ASCC2: variants seen among roughly 807,000 people sequenced by gnomAD.
ASCC2 encodes the protein ASC-1 complex subunit P100.
Under a neutral mutation model 93.5 loss-of-function variants are expected in ASCC2, and 42 were observed. The ratio of observed to expected loss-of-function variants is 0.45; its 90% CI spans 0.35 to 0.58. The LOEUF is 0.58. Among genes scored for constraint, ASCC2 ranks in the 20% least tolerant of loss-of-function variants. The probability of loss-of-function intolerance (pLI) is 0.00; values close to 1 mark genes in which losing one functional copy is unlikely to be tolerated. For synonymous variants in ASCC2, 364 were observed against 384.2 expected (o/e 0.95, Z 0.62); for missense variants, 859 against 977.6 (o/e 0.88, Z 1.62).
intron 1 of ASCC2, chr22:29,832,587 C>CTTTT (rs375947944): frequency 7.0e-5 from 14 of 200,260 alleles, no homozygotes; most frequent in South Asian, 1.9e-4. Flanking sequence ...TTTCCACCCA[C>CTTTT]TTTTTTTTTT....
intron 15 of ASCC2, among the ~76,000 whole-genome samples, chr22:29,796,349 G>A (rs1601831843): frequency 1.3e-5 from 2 of 152,056 alleles, no homozygotes; most frequent in African/African-American, 4.8e-5. Flanking sequence ...GCTGAGTTGG[G>A]GAGAGATTCA....
chr22:29,801,696 G>A (rs1264616843), intron 14 of ASCC2, among the ~76,000 whole-genome samples: 1 of 152,142 alleles, frequency 6.6e-6, no homozygotes, highest in Non-Finnish European at 1.5e-5. Context: ...GAATGTAGGG[G>A]ATCAGAAGGG....
rs772317204 is a variant in ASCC2 at position 29,814,710 on chromosome 22, G to C, written c.667C>G (p.Pro223Ala). Residue 223 changes from proline to alanine, a missense_variant, in exon 7 of 20, where the codon CCC becomes GCC. Coordinates refer to ENST00000307790, the MANE Select transcript of ASCC2 (RefSeq NM_032204.5). ...GLQGDGANTT[P>A]QKLEERGRLT... ...CGGCCCCTCTCCTCAAGCTTCTGGGGTGTGGTATTGGCCCCGTCCCCTTGC... is the reference window on the plus strand; with the variant it reads ...CGGCCCCTCTCCTCAAGCTTCTGGGCTGTGGTATTGGCCCCGTCCCCTTGC... 9 of 1,608,158 alleles carry C rather than the reference G, an allele frequency of 5.6e-6. No homozygotes were observed. Among genetic ancestry groups the C allele is most frequent in the Middle Eastern group, 1.6e-4 (1 of 6,070 alleles).
intron 12 of ASCC2, among the ~76,000 whole-genome samples, chr22:29,805,128 T>C (rs1467334001): frequency 6.6e-6 from 1 of 152,118 alleles, no homozygotes; most frequent in Non-Finnish European, 1.5e-5. Flanking sequence ...AGCTCCTCTT[T>C]TGTACTGACT....
intron 2 of ASCC2, chr22:29,827,442 C>T (rs2062509930): frequency 2.7e-6 from 1 of 371,062 alleles, no homozygotes; most frequent in East Asian, 7.9e-5. Flanking sequence ...AGGTCAGCCT[C>T]CTCAAGAACC....
At chr22:29,806,990 G>C in intron 9 of ASCC2, 86 bp from the exon 10 acceptor site, 1 of 1,015,056 alleles carries the variant, frequency 9.9e-7, no homozygotes, top group Non-Finnish European at 1.4e-6. Context: ...TGAAACCCTA[G>C]CATCTTGGGA....
chr22:29,818,691 G>A (rs553028667), intron 5 of ASCC2, among the ~76,000 whole-genome samples: 1 of 152,168 alleles, frequency 6.6e-6, no homozygotes, highest in South Asian at 2.1e-4. Flanking sequence ...TGGACGATTA[G>A]GAGCCCAGGC....
Position 29,832,285 on chromosome 22 carries a change from T to C in ASCC2, c.41A>G (p.Lys14Arg). Residue 14 changes from lysine to arginine, a missense_variant, in exon 2 of 20, where the codon AAG (lysine) becomes AGG (arginine). By Grantham distance (26) the Lys-to-Arg change is conservative. Transcript: ENST00000307790. ...CCTCAGCTTTCCTGTCTTCGGGTCC[T>C]TGTGGGTGATCTGGAGTTGGTCCAG... ...LPLDQLQITHKDPKTGKLRTS... is the reference protein window; with the variant it reads ...LPLDQLQITHRDPKTGKLRTS... 6.2e-7 allele frequency: 1 copy of C among 1,614,088 alleles called. No individual in the cohort carries two copies. Among genetic ancestry groups the C allele is most frequent in the Non-Finnish European group, 8.5e-7 (1 of 1,179,974 alleles).
intron 1 of ASCC2, among the ~76,000 whole-genome samples, chr22:29,835,583 C>T (rs1219846856): frequency 6.6e-6 from 1 of 152,086 alleles, no homozygotes; most frequent in Non-Finnish European, 1.5e-5. Context: ...TGAGACAGTT[C>T]CCTAACCTCT....
At chr22:29,835,888 G>A (rs950031392) in intron 1 of ASCC2, among the ~76,000 whole-genome samples, 11 of 152,124 alleles carry the variant, frequency 7.2e-5, no homozygotes, top group Admixed American at 6.6e-5. Context: ...CAGTATAGTA[G>A]AGAAAGGAAG....
intron 9 of ASCC2, 47 bp downstream of exon 9, chr22:29,808,064 G>A: frequency 1.3e-6 from 2 of 1,599,310 alleles, no homozygotes; most frequent in Non-Finnish European, 8.6e-7. Context: ...GCCCTGCTCG[G>A]GCCTCTCTGT....
rs982330783 is a variant in ASCC2, at chr22:29,825,022, G to A, written c.411+65C>T. 4 of 1,296,384 alleles carry A rather than the reference G, an allele frequency of 3.1e-6. No individual in the cohort carries two copies. Among genetic ancestry groups the A allele is most frequent in the Non-Finnish European group, 4.1e-6 (4 of 986,150 alleles). 80.3% of individuals were successfully genotyped at this position (1,296,384 alleles called of 1,614,324 possible). ...GCTTCCAGAGCCTTCCTTCCCAGGG[G>A]TGGAGAGCCCGGCACAGAGGTGTCG... On this transcript the variant is annotated intron_variant, in intron 4 of 19. Coordinates refer to ENST00000307790, the MANE Select transcript of ASCC2 (RefSeq NM_032204.5). The surrounding 1 kb of genome is among the most constrained non-coding windows in gnomAD (Gnocchi z 4.9).
chr22:29,806,078 C>T, intron 12 of ASCC2, 138 bp downstream of exon 12: 1 of 885,212 alleles, frequency 1.1e-6, no homozygotes, highest in Non-Finnish European at 1.8e-6. Context: ...GGGACCTTGG[C>T]AGGCCACCTC....
chr22:29,808,177 G>A lies in ASCC2; in HGVS notation c.842C>T (p.Ser281Phe). 6.2e-7 allele frequency: 1 copy of A among 1,614,214 alleles called. No homozygotes were observed. Among genetic ancestry groups the A allele is most frequent in the South Asian group, 1.1e-5 (1 of 91,084 alleles). ...TTCGGGAATTGCTGCTTCGTAGAAG[G>A]AAGCTAGTCTGTGCAGGCACACACA... ...QKHDFCYRLA[S>F]FYEAAIPEME... Residue 281 changes from serine (S) to phenylalanine (F), a missense_variant, in exon 9 of 20, where the codon TCC becomes TTC. By Grantham distance (155) the Ser-to-Phe change is radical. Transcript: ENST00000307790.
chr22:29,806,698 C>T lies in ASCC2; in HGVS notation c.1016+99G>A, dbSNP rs529283010. 6.3e-6 allele frequency: 9 copies of T among 1,423,118 alleles called. No homozygotes were observed. The East Asian group carries it at 2.1e-4, about 33-fold the overall frequency. The allele number at this position is 1,423,118 out of a possible 1,614,324, so 88.2% of individuals were successfully genotyped here. A position where few individuals can be genotyped will look rare whatever the true frequency, so the allele number is the denominator to read the frequency against. On this transcript the variant is annotated intron_variant, in intron 10 of 19. Transcript: ENST00000307790. The stretch of plus-strand genomic sequence containing the variant: ...GGTTTCTCATCTCTGTTCAGCCAAC[C>T]CCAGTGCAGTGGAGGAAGCCAAGAT...
At position 29,793,346 on chromosome 22, in the gene ASCC2, C is replaced by T. The variant is rs754436478; in HGVS notation, c.1919+14G>A. The T allele has an allele frequency of 1.2e-6, 2 of 1,612,812 alleles. No homozygotes were observed. The highest frequency in any genetic ancestry group is 2.2e-5 in the East Asian group (1 of 44,880). ...CTGCTCTGCCCTGGAACGCCACCCC[C>T]ACTATGGCCTCACCTGCGGCTGATG... On this transcript the variant is annotated intron_variant, in intron 17 of 19. Coordinates refer to ENST00000307790, the MANE Select transcript of ASCC2 (RefSeq NM_032204.5).
In ASCC2 at chr22:29,801,125, C is replaced by T; in HGVS notation, c.1569-15G>A. The T allele has an allele frequency of 6.3e-7, 1 of 1,583,128 alleles. No individual in the cohort carries two copies. Among genetic ancestry groups the T allele is most frequent in the Non-Finnish European group, 8.6e-7 (1 of 1,156,330 alleles). On this transcript the variant is annotated splice_polypyrimidine_tract_variant and intron_variant, in intron 14 of 19. Coordinates refer to ENST00000307790, the MANE Select transcript of ASCC2 (RefSeq NM_032204.5). ...GTTTCATTTCTCTGGGTGGGGGACA[C>T]AGAGATCAATTTAAGGGGGCCCTGC...
chr22:29,796,161 T>G (rs1311055115), intron 15 of ASCC2, among the ~76,000 whole-genome samples: 1 of 151,366 alleles, frequency 6.6e-6, no homozygotes, highest in East Asian at 1.9e-4. Context: ...CAGGCTGGAG[T>G]GCAGTGGCGT....
In ASCC2 at chr22:29,816,057, C is replaced by T. The variant is rs1326779054; in HGVS notation, c.558G>A (p.Gln186=). The T allele has an allele frequency of 3.1e-6, 5 of 1,597,704 alleles. No individual in the cohort carries two copies. Among genetic ancestry groups the T allele is most frequent in the African/African-American group, 1.3e-5 (1 of 74,750 alleles). The change falls in exon 6 of 20, where the codon CAG becomes CAA. Residue 186 remains glutamine (Q), a synonymous_variant. Transcript: ENST00000307790. Reference sequence around the variant, plus strand: ...CCAGGTCACTGTAGTAACTTGGCTGCTGTGTAAAGATGTTTCCTAAAAAGA... The same window carrying T: ...CCAGGTCACTGTAGTAACTTGGCTGTTGTGTAAAGATGTTTCCTAAAAAGA... The part of the protein sequence containing the change: ...LQKMIGNIFT[Q]QPSYYSDLDE...
Sources: allele counts gnomAD v4.1 joint callset (sites outside exome capture counted in the v4.1 genomes callset), GRCh38; gene constraint gnomAD v4.1.1; non-coding constraint Gnocchi (gnomAD v3.1); transcripts MANE v1.5; gene names NCBI Gene and HGNC (gene_info 2026-07-23, HGNC 2026-07-21).